SLCO6A1: variants seen among roughly 807,000 people sequenced by gnomAD.
SLCO6A1 encodes the protein cancer/testis antigen 48.
A neutral mutation model predicts 72.7 loss-of-function variants in SLCO6A1; 65 were observed. The observed-to-expected ratio is 0.89, with a 90% CI of 0.73 to 1.10. The LOEUF (loss-of-function observed/expected upper bound fraction) is 1.10, where lower values mean the gene tolerates loss of function less well. SLCO6A1 is among the 50% of genes least tolerant of loss of function. SLCO6A1 has a pLI of 0.00. For synonymous variants in SLCO6A1, 314 were observed against 298.2 expected (o/e 1.05, Z -0.55); for missense variants, 874 against 872.6 (o/e 1.00, Z -0.02).
intron 10 of SLCO6A1, 134 bp downstream of exon 10, chr5:102,399,421 A>G (rs1271587056): frequency 3.8e-6 from 2 of 524,194 alleles, no homozygotes; most frequent in African/African-American, 2.0e-5. Flanking sequence ...AATTGTGTCA[A>G]TTTAACAACT....
At chr5:102,494,031 G>T (rs929967638) in intron 1 of SLCO6A1, among the ~76,000 whole-genome samples, 1 of 152,200 alleles carries the variant, frequency 6.6e-6, no homozygotes, top group African/African-American at 2.4e-5. Flanking sequence ...TGATTTTAAT[G>T]CATATAATAA....
At chr5:102,443,942 A>G (rs1336316466) in intron 6 of SLCO6A1, among the ~76,000 whole-genome samples, 1 of 152,166 alleles carries the variant, frequency 6.6e-6, no homozygotes, top group Non-Finnish European at 1.5e-5. Flanking sequence ...AACCATCCCT[A>G]TCTCGCAGTA....
At position 102,491,523 on chromosome 5, in the gene SLCO6A1, G is replaced by A. The variant is rs189381260; in HGVS notation, c.358+6964C>T. Reference sequence around the variant, plus strand: ...TCAGGCATGGCAGGCTGCAGGTCCCGAGCGCTGCCCCACAGGGAGGCAGCT... The same window carrying A: ...TCAGGCATGGCAGGCTGCAGGTCCCAAGCGCTGCCCCACAGGGAGGCAGCT... On this transcript the variant is annotated intron_variant, in intron 1 of 13. Transcript: ENST00000506729. Among the ~76,000 whole-genome samples the A allele has an allele frequency of 1.9e-3, 296 of 152,322 alleles. 3 individuals carry two copies. Among genetic ancestry groups the A allele is most frequent in the African/African-American group, 6.8e-3 (284 of 41,584 alleles).
Position 102,496,780 on chromosome 5 carries a change from C to T in SLCO6A1, c.358+1707G>A, listed in dbSNP as rs547125815. On this transcript the variant is annotated intron_variant, in intron 1 of 13. Transcript: ENST00000506729. ...TGATGGATAATATAAATATAATTAC[C>T]CCCTTATGGTGCCTAGATGAAACCA... Among the ~76,000 whole-genome samples, 103 of 152,216 alleles carry T rather than the reference C, an allele frequency of 6.8e-4. 2 individuals carry two copies. Among genetic ancestry groups the T allele is most frequent in the Admixed American group, 6.1e-3 (94 of 15,296 alleles).
chr5:102,394,306 T>C, intron 10 of SLCO6A1, among the ~76,000 whole-genome samples: 1 of 152,180 alleles, frequency 6.6e-6, no homozygotes, highest in Non-Finnish European at 1.5e-5. Context: ...TAGCTTTGAC[T>C]TTTATTGAAC....
At chr5:102,486,293 T>C (rs986025812) in intron 1 of SLCO6A1, among the ~76,000 whole-genome samples, 1 of 152,138 alleles carries the variant, frequency 6.6e-6, no homozygotes, top group African/African-American at 2.4e-5. Flanking sequence ...GCTCTCATAG[T>C]TTGTTTAGTT....
At chr5:102,416,777 G>A (rs868164665) in intron 8 of SLCO6A1, among the ~76,000 whole-genome samples, 8 of 152,212 alleles carry the variant, frequency 5.3e-5, no homozygotes, top group East Asian at 3.9e-4. Flanking sequence ...TTTGCAATCC[G>A]GAATATGCTC....
Position 102,480,528 on chromosome 5 carries a change from G to A in SLCO6A1, c.359-94C>T, listed in dbSNP as rs1752143367. 7 of 1,192,032 alleles carry A rather than the reference G, an allele frequency of 5.9e-6. No individual in the cohort carries two copies. The East Asian group carries it at 1.4e-4, about 24-fold the overall frequency. The allele number at this position is 1,192,032 out of a possible 1,614,324, so 73.8% of individuals were successfully genotyped here. A position where few individuals can be genotyped will look rare whatever the true frequency, so the allele number is the denominator to read the frequency against. On this transcript the variant is annotated intron_variant, in intron 1 of 13. Transcript: ENST00000506729. ...GCAAAATTTAAATTACATGATGTAAGTTTATTTTAAATTATTCTGAATGTT... is the reference window on the plus strand; with the variant it reads ...GCAAAATTTAAATTACATGATGTAAATTTATTTTAAATTATTCTGAATGTT...
intron 12 of SLCO6A1, among the ~76,000 whole-genome samples, chr5:102,385,620 A>G (rs150122785): frequency 3.3e-5 from 5 of 151,920 alleles, no homozygotes; most frequent in African/African-American, 1.2e-4. Context: ...TTTCAGTTTA[A>G]TTATTGTGTT....
intron 8 of SLCO6A1, among the ~76,000 whole-genome samples, chr5:102,414,947 A>AT (rs1342824001): frequency 1.3e-5 from 2 of 151,712 alleles, no homozygotes; most frequent in East Asian, 1.9e-4. Flanking sequence ...AAATTAATTA[A>AT]TAAGGCAAGC....
At chr5:102,445,836 A>G (rs1750079877) in intron 6 of SLCO6A1, among the ~76,000 whole-genome samples, 1 of 152,154 alleles carries the variant, frequency 6.6e-6, no homozygotes, top group Admixed American at 6.5e-5. Flanking sequence ...TAATTTGCCT[A>G]TTGCTTGTTT....
Position 102,373,423 on chromosome 5 carries a change from C to T in SLCO6A1, c.2089G>A (p.Glu697Lys), listed in dbSNP as rs2112459645. ...AFFIYKRRLNENTDFPDVTVK... is the reference protein window; with the variant it reads ...AFFIYKRRLNKNTDFPDVTVK... ...GTTACATCTGGGAAGTCAGTGTTCT[C>T]ATTTAGACGACGTTTGTATATGAAA... The change falls in exon 13 of 14, where the codon GAG (glutamate) becomes AAG (lysine). Residue 697 changes from glutamate to lysine, a missense_variant. Physicochemically the swap from Glu to Lys is moderately conservative, Grantham distance 56 (BLOSUM62 1). Transcript: ENST00000506729. The T allele has an allele frequency of 1.9e-6, 3 of 1,579,694 alleles. No individual in the cohort carries two copies. The highest frequency in any genetic ancestry group is 2.6e-6 in the Non-Finnish European group (3 of 1,165,784).
chr5:102,408,499 G>A (rs1747797084), intron 9 of SLCO6A1, among the ~76,000 whole-genome samples: 2 of 152,112 alleles, frequency 1.3e-5, no homozygotes, highest in Non-Finnish European at 2.9e-5. Context: ...CCACATCAAA[G>A]TAAAACTTCT....
intron 6 of SLCO6A1, among the ~76,000 whole-genome samples, chr5:102,447,322 C>T (rs1394377551): frequency 6.6e-6 from 1 of 152,100 alleles, no homozygotes; most frequent in Non-Finnish European, 1.5e-5. Context: ...TGGCCTGAAG[C>T]GTTCTTATTT....
chr5:102,436,733 A>G (rs1749556713), intron 7 of SLCO6A1, among the ~76,000 whole-genome samples: 1 of 152,190 alleles, frequency 6.6e-6, no homozygotes, highest in Non-Finnish European at 1.5e-5. Flanking sequence ...CTGCTGTTGT[A>G]TAACACTCAC....
At chr5:102,418,903 C>T (rs59358055) in intron 8 of SLCO6A1, among the ~76,000 whole-genome samples, 3,530 of 152,132 alleles carry the variant, frequency 0.023, 139 homozygotes, top group African/African-American at 0.08. Flanking sequence ...AGTTATAAGC[C>T]GGCAGAGTGT....
At chr5:102,461,543 A>G (rs188484408) in intron 4 of SLCO6A1, among the ~76,000 whole-genome samples, 165 of 152,256 alleles carry the variant, frequency 1.1e-3, no homozygotes, top group African/African-American at 3.8e-3. Context: ...TAACTAAAAT[A>G]TTGTAATATT....
intron 13 of SLCO6A1, among the ~76,000 whole-genome samples, chr5:102,373,039 G>T (rs974689744): frequency 1.3e-5 from 2 of 151,762 alleles, no homozygotes; most frequent in Admixed American, 6.6e-5. Flanking sequence ...ATTCCAAATA[G>T]CAAAGGCCAA....
At chr5:102,464,805 T>G (rs933284723) in intron 4 of SLCO6A1, among the ~76,000 whole-genome samples, 1 of 152,214 alleles carries the variant, frequency 6.6e-6, no homozygotes, top group Non-Finnish European at 1.5e-5. Flanking sequence ...CTCTTGCCAG[T>G]GCTCTTCACA....
Sources: gnomAD v4.1 joint callset for allele counts (sites outside exome capture counted in the v4.1 genomes callset) on GRCh38, gnomAD v4.1.1 for gene constraint, MANE v1.5 for transcripts, NCBI Gene and HGNC (gene_info 2026-07-23, HGNC 2026-07-21) for gene names.